The following NAV2 variants were observed in gnomAD, a reference collection of about 807,000 sequenced individuals.
NAV2 encodes neuron navigator 2.
A neutral mutation model predicts 223.2 loss-of-function variants in NAV2; 54 were observed. The observed-to-expected ratio is 0.24, with a 90% CI of 0.19 to 0.30. The LOEUF (loss-of-function observed/expected upper bound fraction) is 0.30. Ranked by LOEUF, NAV2 falls within the 10% of genes least tolerant of loss-of-function variation. NAV2 has a pLI of 1.00. For synonymous variants in NAV2, 1,279 were observed against 1,239.3 expected (o/e 1.03, Z -0.67); for missense variants, 2,806 against 3,147.5 (o/e 0.89, Z 2.60).
intron 1 of NAV2, among the ~76,000 whole-genome samples, chr11:19,688,829 G>C (rs75036100): frequency 6.6e-6 from 1 of 152,112 alleles, no homozygotes; most frequent in Non-Finnish European, 1.5e-5. Flanking sequence ...ATGGTATGCC[G>C]CAGTTAGCCT....
At chr11:19,856,825 G>A (rs190268824) in intron 3 of NAV2, among the ~76,000 whole-genome samples, 1 of 152,306 alleles carries the variant, frequency 6.6e-6, no homozygotes, top group East Asian at 1.9e-4. Context: ...AAAGGTATTT[G>A]CTTGGCTTTG....
At position 19,744,952 on chromosome 11, in the gene NAV2, GCA is replaced by G. The variant is rs769136933; in HGVS notation, c.267+30993_267+30994del. On this transcript the variant is annotated intron_variant, in intron 1 of 37. Transcript: ENST00000349880. ...ATGTGCTGATTACACCTCTATTTTT[GCA>G]CAGTTTCCCATATAGGACTGTAAGA... Among the ~76,000 whole-genome samples, 4 of 152,208 alleles carry G rather than the reference GCA, an allele frequency of 2.6e-5. No individual in the cohort carries two copies. The South Asian group carries it at 6.2e-4, about 24-fold the overall frequency.
In NAV2 at chr11:19,948,823, C is replaced by T. The variant is rs771328189; in HGVS notation, c.2388C>T (p.Asp796=). ...GQSSPRLQAG[D]APSMGNGYPP... is the part of the protein sequence containing the mutation. ...CCAGCCCTCGGCTCCAAGCAGGAGA[C>T]GCCCCCTCAATGGGCAATGGGTATC... Residue 796 remains aspartate, a synonymous_variant, in exon 10 of 38, where the codon GAC becomes GAT. Transcript: ENST00000349880. 7.4e-5 allele frequency: 119 copies of T among 1,613,896 alleles called. 1 individual carries two copies. The highest frequency in any genetic ancestry group is 2.3e-4 in the African/African-American group (17 of 74,864).
chr11:20,034,082 A>G (rs1016269288), intron 11 of NAV2, among the ~76,000 whole-genome samples: 5 of 152,232 alleles, frequency 3.3e-5, no homozygotes, highest in Non-Finnish European at 7.3e-5. Context: ...GAGAATTGAC[A>G]TAATACAAAA....
At chr11:19,403,808 G>A (rs3108803) in intron 1 of NAV2, among the ~76,000 whole-genome samples, 26,808 of 151,918 alleles carry the variant, frequency 0.18, 2,477 homozygotes, top group South Asian at 0.33. Flanking sequence ...CAGAGGAAGG[G>A]ATATCGAGTG....
chr11:19,495,738 T>A (rs1029516395), intron 1 of NAV2, among the ~76,000 whole-genome samples: 2 of 152,066 alleles, frequency 1.3e-5, no homozygotes, highest in Admixed American at 6.6e-5. Context: ...TGCATGTAAA[T>A]ATACATATTT....
chr11:19,552,239 T>C (rs761858797), intron 1 of NAV2, among the ~76,000 whole-genome samples: 1 of 152,132 alleles, frequency 6.6e-6, no homozygotes, highest in Non-Finnish European at 1.5e-5. Flanking sequence ...TGCCTGGGGC[T>C]GGGAAGAGCA....
At chr11:19,364,407 G>A (rs969253286) in intron 1 of NAV2, among the ~76,000 whole-genome samples, 2 of 152,100 alleles carry the variant, frequency 1.3e-5, no homozygotes, top group Non-Finnish European at 2.9e-5. Context: ...CCTGACAGAG[G>A]GATGCTTACT....
At chr11:19,526,856 C>T (rs1334062778) in intron 1 of NAV2, among the ~76,000 whole-genome samples, 1 of 152,154 alleles carries the variant, frequency 6.6e-6, no homozygotes, top group Non-Finnish European at 1.5e-5. Context: ...TGGAAAATAC[C>T]ATTTTTGTAC....
chr11:19,878,832 G>A (rs1177025910), intron 4 of NAV2, among the ~76,000 whole-genome samples: 1 of 152,164 alleles, frequency 6.6e-6, no homozygotes, highest in Non-Finnish European at 1.5e-5. Context: ...TCCTTCACTA[G>A]CAGCCTCTTT....
chr11:19,491,357 G>C (rs2042620891), intron 1 of NAV2, among the ~76,000 whole-genome samples: 1 of 152,178 alleles, frequency 6.6e-6, no homozygotes, highest in Admixed American at 6.5e-5. Context: ...AAAATCAGTT[G>C]TTTAGTGTAC....
intron 1 of NAV2, among the ~76,000 whole-genome samples, chr11:19,379,779 T>G (rs558875187): frequency 9.2e-5 from 14 of 152,266 alleles, no homozygotes; most frequent in African/African-American, 3.1e-4. Context: ...GCATTCTCCT[T>G]TTTTTCTGTT....
chr11:20,037,187 G>T (rs1403388614), intron 12 of NAV2, among the ~76,000 whole-genome samples: 1 of 152,010 alleles, frequency 6.6e-6, no homozygotes, highest in Non-Finnish European at 1.5e-5. Flanking sequence ...CGAACCCTTG[G>T]AGAAATCTGT....
chr11:20,103,569 C>T (rs1472663518), intron 33 of NAV2, 84 bp from the exon 34 acceptor site: 14 of 1,525,156 alleles, frequency 9.2e-6, no homozygotes, highest in South Asian at 3.4e-5. Context: ...GGCCTGGAAG[C>T]ACAGGGCCAT....
intron 1 of NAV2, among the ~76,000 whole-genome samples, chr11:19,584,945 T>A (rs1349116413): frequency 1.3e-5 from 2 of 151,360 alleles, no homozygotes; most frequent in African/African-American, 4.9e-5. Context: ...TTTAACTTTC[T>A]GTCTCATCGA....
intron 1 of NAV2, among the ~76,000 whole-genome samples, chr11:19,649,657 G>C (rs1489195509): frequency 6.6e-6 from 1 of 152,138 alleles, no homozygotes; most frequent in African/African-American, 2.4e-5. Context: ...AAAGACCCCA[G>C]CTCCAGATCC....
At chr11:19,417,214 G>A (rs3108801) in intron 1 of NAV2, among the ~76,000 whole-genome samples, 106,366 of 152,036 alleles carry the variant, frequency 0.7, 37,272 homozygotes, top group Admixed American at 0.72. Context: ...AAGGGCTAGT[G>A]TCCAGAATCT....
At chr11:19,592,589 C>A (rs2046092040) in intron 1 of NAV2, among the ~76,000 whole-genome samples, 2 of 152,080 alleles carry the variant, frequency 1.3e-5, no homozygotes, top group Admixed American at 1.3e-4. Context: ...TGAACTTGGG[C>A]TTTTTAATTC....
intron 1 of NAV2, among the ~76,000 whole-genome samples, chr11:19,742,294 A>T (rs2052912725): frequency 6.6e-6 from 1 of 152,152 alleles, no homozygotes; most frequent in Admixed American, 6.5e-5. Context: ...TTTCAGTCTC[A>T]ATTTCCTCAT....
Sources: allele counts gnomAD v4.1 joint callset (sites outside exome capture counted in the v4.1 genomes callset), GRCh38; gene constraint gnomAD v4.1.1; transcripts MANE v1.5; gene names NCBI Gene and HGNC (gene_info 2026-07-23, HGNC 2026-07-21).